The following WDR33 variants were observed in gnomAD, a reference collection of about 807,000 sequenced individuals.
WDR33 encodes the protein pre-mRNA 3' end processing protein WDR33.
WDR33 carries 47 observed loss-of-function variants against 164.9 expected under a neutral mutation model. The ratio of observed to expected loss-of-function variants is 0.29; its 90% CI spans 0.23 to 0.36. WDR33 has a LOEUF of 0.36. Among genes scored for constraint, WDR33 ranks in the 10% least tolerant of loss-of-function variants. The pLI is 1.00. For missense variants in WDR33, 1,137 were observed against 1,754.1 expected, an observed-to-expected ratio of 0.65 and a Z score of 6.28; for synonymous variants, 505 against 589.0, an observed-to-expected ratio of 0.86 and a Z score of 2.06.
Position 127,701,621 on chromosome 2 carries a change from G to C in WDR33, c.*4702C>G, listed in dbSNP as rs141206501. 23,052 of 1,338,274 alleles carry C rather than the reference G, an allele frequency of 0.017. 240 individuals are homozygous for C. The highest frequency in any genetic ancestry group is 0.042 in the East Asian group (1,384 of 32,576). 82.9% of individuals were successfully genotyped at this position (1,338,274 alleles called of 1,614,324 possible). ...CGGAGCCGCTGCTCGCCGCGGAGAA[G>C]GCGGAGGAGCCCGGGGACCGGCCGG... is the stretch of plus-strand genomic sequence containing the variant. On this transcript the variant is annotated 3_prime_UTR_variant, in exon 22 of 22. Transcript: ENST00000322313.
rs1285760267 is a variant in WDR33 at position 127,738,767 on chromosome 2, C to T, written c.725-11990G>A. Among the ~76,000 whole-genome samples the T allele has an allele frequency of 6.6e-6, 1 of 152,138 alleles. No individual in the cohort carries two copies. The highest frequency in any genetic ancestry group is 1.5e-5 in the Non-Finnish European group (1 of 68,030). On this transcript the variant is annotated intron_variant, in intron 7 of 21. Coordinates refer to ENST00000322313, the MANE Select transcript of WDR33 (RefSeq NM_018383.5). This position sits in a 1 kb window ranked among gnomAD's most constrained non-coding sequence, Gnocchi z 4.4. Reference sequence around the variant, plus strand: ...CAACTTCTCATCAACACACTAGCTGCAAGAAGAGAGTGGGGCTACTCAGGG... The same window carrying T: ...CAACTTCTCATCAACACACTAGCTGTAAGAAGAGAGTGGGGCTACTCAGGG...
intron 21 of WDR33, among the ~76,000 whole-genome samples, chr2:127,707,704 GC>G (rs1429485058): frequency 3.3e-5 from 5 of 152,162 alleles, no homozygotes; most frequent in African/African-American, 1.2e-4. Flanking sequence ...CAAATGGCAG[GC>G]CAGGCATGGT....
At chr2:127,736,684 A>G (rs1436552554) in intron 7 of WDR33, 2 of 985,364 alleles carry the variant, frequency 2.0e-6, no homozygotes, top group African/African-American at 1.7e-5. Flanking sequence ...TACAACTCAT[A>G]AAATTAGTGC....
intron 21 of WDR33, among the ~76,000 whole-genome samples, chr2:127,707,762 C>T (rs192967525): frequency 6.6e-6 from 1 of 152,172 alleles, no homozygotes; most frequent in Non-Finnish European, 1.5e-5. Flanking sequence ...GCCAGGAGTT[C>T]GAGACCAGCC....
At chr2:127,786,575 C>T (rs1688581284) in intron 1 of WDR33, among the ~76,000 whole-genome samples, 1 of 152,132 alleles carries the variant, frequency 6.6e-6, no homozygotes, top group Non-Finnish European at 1.5e-5. Flanking sequence ...CCCAGCTACA[C>T]AGGAGGCTAC....
At position 127,701,690 on chromosome 2, in the gene WDR33, G is replaced by A. The variant is rs1685885510; in HGVS notation, c.*4633C>T. ...GCGCGGGCTTGCGCTGGACGTGGGC[G>A]CGGAGCCCTGCGGAGTCGGCAGCGG... On this transcript the variant is annotated 3_prime_UTR_variant, in exon 22 of 22. Coordinates refer to ENST00000322313, the MANE Select transcript of WDR33 (RefSeq NM_018383.5). 5 of 1,300,182 alleles carry A rather than the reference G, an allele frequency of 3.8e-6. No homozygotes were observed. The highest frequency in any genetic ancestry group is 3.9e-6 in the Non-Finnish European group (4 of 1,029,544). 80.5% of individuals were successfully genotyped at this position (1,300,182 alleles called of 1,614,324 possible).
chr2:127,806,015 AG>A (rs1689428375), intron 1 of WDR33, among the ~76,000 whole-genome samples: 1 of 151,362 alleles, frequency 6.6e-6, no homozygotes, highest in Non-Finnish European at 1.5e-5. Flanking sequence ...TGTGAGGCCA[AG>A]GTGGGCAGAT....
intron 7 of WDR33, among the ~76,000 whole-genome samples, chr2:127,759,082 T>TC (rs1687602917): frequency 6.6e-6 from 1 of 152,198 alleles, no homozygotes; most frequent in African/African-American, 2.4e-5. Context: ...AATAAAAACT[T>TC]TAAAAAATGT....
chr2:127,713,573 T>A lies in WDR33; in HGVS notation c.3308+10A>T, dbSNP rs1442072392. On this transcript the variant is annotated intron_variant, in intron 18 of 21. Coordinates refer to ENST00000322313, the MANE Select transcript of WDR33 (RefSeq NM_018383.5). This position sits in a 1 kb window ranked among gnomAD's most constrained non-coding sequence, Gnocchi z 6.2. ...GAAGATGGAATGGGCCCACAAAGTA[T>A]CTGTCCCACCTTTCTTCTCTGCGCC... is the stretch of plus-strand genomic sequence containing the variant. 6.2e-7 allele frequency: 1 copy of A among 1,613,718 alleles called. No homozygotes were observed. The highest frequency in any genetic ancestry group is 8.5e-7 in the Non-Finnish European group (1 of 1,179,912).
chr2:127,730,463 TA>T (rs143375540), intron 7 of WDR33, among the ~76,000 whole-genome samples: 10,904 of 150,380 alleles, frequency 0.073, 458 homozygotes, highest in Middle Eastern at 0.16. Context: ...TTAAGTGGAT[TA>T]AAAAAAAACC....
chr2:127,711,490 A>C (rs1360551503), intron 18 of WDR33, among the ~76,000 whole-genome samples: 5 of 151,294 alleles, frequency 3.3e-5, no homozygotes, highest in Non-Finnish European at 7.4e-5. Flanking sequence ...AGATTCAATA[A>C]GTCAGTGAAC....
chr2:127,722,038 A>G lies in WDR33; in HGVS notation c.1519-50T>C, dbSNP rs751987011. 1 of 1,583,606 alleles carries G rather than the reference A, an allele frequency of 6.3e-7. No homozygotes were observed. Reference sequence around the variant, plus strand: ...ATGTACGCTAAGTATGAAAATTACAATGATAGAATGAGAAAACCACTCTAC... The same window carrying G: ...ATGTACGCTAAGTATGAAAATTACAGTGATAGAATGAGAAAACCACTCTAC... On this transcript the variant is annotated intron_variant, in intron 14 of 21. Transcript: ENST00000322313. This position sits in a 1 kb window ranked among gnomAD's most constrained non-coding sequence, Gnocchi z 5.1.
chr2:127,758,064 T>C (rs1201219890), intron 7 of WDR33, among the ~76,000 whole-genome samples: 1 of 152,246 alleles, frequency 6.6e-6, no homozygotes, highest in African/African-American at 2.4e-5. Flanking sequence ...TAACTGCTTA[T>C]GTCCATGTTC....
rs1487996963 is a variant in WDR33, at chr2:127,706,728, T to TC, written c.3782-177dup. Among the ~76,000 whole-genome samples, 3 of 152,086 alleles carry TC rather than the reference T, an allele frequency of 2.0e-5. No individual in the cohort carries two copies. The highest frequency in any genetic ancestry group is 4.4e-5 in the Non-Finnish European group (3 of 68,012). Reference sequence around the variant, plus strand: ...GCCTCTACCCTTTCCTGACCCTGCCTCCCCCTTCCTGGCTCATGGCCATGG... The same window carrying TC: ...GCCTCTACCCTTTCCTGACCCTGCCTCCCCCCTTCCTGGCTCATGGCCATGG... On this transcript the variant is annotated intron_variant, in intron 21 of 21. Transcript: ENST00000322313. This position sits in a 1 kb window ranked among gnomAD's most constrained non-coding sequence, Gnocchi z 5.1.
chr2:127,765,876 A>T (rs751652732), intron 4 of WDR33, among the ~76,000 whole-genome samples: 4 of 152,168 alleles, frequency 2.6e-5, no homozygotes, highest in Non-Finnish European at 5.9e-5. Flanking sequence ...TCTCAAAAAA[A>T]ACCATAATAG....
At chr2:127,784,214 T>C (rs1455208373) in intron 1 of WDR33, among the ~76,000 whole-genome samples, 2 of 152,134 alleles carry the variant, frequency 1.3e-5, no homozygotes, top group African/African-American at 4.8e-5. Flanking sequence ...GCCGGGCATA[T>C]ATGAAATATA....
chr2:127,750,204 G>A (rs553343130), intron 7 of WDR33, among the ~76,000 whole-genome samples: 1 of 152,076 alleles, frequency 6.6e-6, no homozygotes, highest in African/African-American at 2.4e-5. Context: ...TTTTGTATTT[G>A]TTTTGTACAA....
intron 7 of WDR33, among the ~76,000 whole-genome samples, chr2:127,732,300 T>A (rs1686731430): frequency 6.6e-6 from 1 of 151,392 alleles, no homozygotes; most frequent in Non-Finnish European, 1.5e-5. Flanking sequence ...ACTCTTGAAC[T>A]TTTTTCTTTT....
At chr2:127,761,891 A>C (rs542458751) in intron 7 of WDR33, among the ~76,000 whole-genome samples, 89 of 152,330 alleles carry the variant, frequency 5.8e-4, no homozygotes, top group African/African-American at 2.0e-3. Flanking sequence ...AAACCCAAAC[A>C]AAATGTGCCA....
Sources: gnomAD v4.1 joint callset for allele counts (sites outside exome capture counted in the v4.1 genomes callset) on GRCh38, gnomAD v4.1.1 for gene constraint, Gnocchi (gnomAD v3.1) non-coding constraint, MANE v1.5 for transcripts, NCBI Gene and HGNC (gene_info 2026-07-23, HGNC 2026-07-21) for gene names.